Variants in HADHB observed in about 807,000 individuals in gnomAD.
HADHB encodes the protein hydroxyacyl-CoA dehydrogenase trifunctional multienzyme complex subunit beta, also known as trifunctional enzyme subunit beta, mitochondrial.
In HADHB, 50 loss-of-function variants were observed where a neutral mutation model predicts 61.9. The observed-to-expected ratio is 0.81, with a 90% confidence interval of 0.64 to 1.02. HADHB has a LOEUF of 1.02. HADHB is among the 50% of genes least tolerant of loss of function. HADHB has a pLI of 0.00. For synonymous variants in HADHB, 191 were observed against 201.6 expected, an observed-to-expected ratio of 0.95 and a Z score of 0.45; for missense variants, 504 against 586.5, an observed-to-expected ratio of 0.86 and a Z score of 1.45.
intron 4 of HADHB, among the ~76,000 whole-genome samples, chr2:26,265,651 T>C (rs1672046493): frequency 6.6e-6 from 1 of 152,214 alleles, no homozygotes; most frequent in Non-Finnish European, 1.5e-5. Context: ...AACTGTTTCA[T>C]TTACTTTTAT....
At chr2:26,268,204 G>A (rs1672179242) in intron 4 of HADHB, among the ~76,000 whole-genome samples, 1 of 141,780 alleles carries the variant, frequency 7.1e-6, no homozygotes, top group South Asian at 2.2e-4. Flanking sequence ...AATACTTGCT[G>A]CGAGATCTAC....
In HADHB at chr2:26,285,000, G is replaced by A. The variant is rs758477811; in HGVS notation, c.1224+43G>A. 1.1e-5 allele frequency: 10 copies of A among 944,816 alleles called. No individual in the cohort carries two copies. In the East Asian group the frequency reaches 2.4e-4, roughly 23 times the overall value. The allele number at this position is 944,816 out of a possible 1,614,324, so 58.5% of individuals were successfully genotyped here. A position where few individuals can be genotyped will look rare whatever the true frequency, so the allele number is the denominator to read the frequency against. On this transcript the variant is annotated intron_variant, in intron 14 of 15. Coordinates refer to ENST00000317799, the MANE Select transcript of HADHB (RefSeq NM_000183.3). ...AAAAATGCGTGAATTTTCAAAGCAC[G>A]TTAATAATTGGATCTTAGTTACCTG... is the stretch of plus-strand genomic sequence containing the variant.
chr2:26,256,517 TTCTC>T (rs1266407651), intron 3 of HADHB, among the ~76,000 whole-genome samples: 7 of 81,458 alleles, frequency 8.6e-5, no homozygotes, highest in Non-Finnish European at 1.2e-4. Context: ...ATAGATGTCT[TTCTC>T]TCTGTGTATA....
chr2:26,289,403 T>TA (rs1255699279), intron 15 of HADHB, among the ~76,000 whole-genome samples: 1 of 151,702 alleles, frequency 6.6e-6, no homozygotes, highest in Non-Finnish European at 1.5e-5. Context: ...CTGGCCCTGT[T>TA]ACCTTAATAG....
At chr2:26,261,212 A>ACCCC (rs70950178) in intron 3 of HADHB, 55 of 371,060 alleles carry the variant, frequency 1.5e-4, no homozygotes, top group South Asian at 4.4e-4. Context: ...CACAACAAAT[A>ACCCC]CCCCCCCCCC....
At chr2:26,273,619 A>T in intron 5 of HADHB, 32 bp from the exon 6 acceptor site, 2 of 1,218,160 alleles carry the variant, frequency 1.6e-6, no homozygotes, top group Non-Finnish European at 1.2e-6. Flanking sequence ...TGATGTGTGA[A>T]ATGTTTCTTT....
chr2:26,285,420 CT>C lies in HADHB; in HGVS notation c.1241del (p.Leu414TrpfsTer41). On this transcript the variant is annotated frameshift_variant, in exon 15 of 16. Transcript: ENST00000317799. LOFTEE classifies it high-confidence loss of function. Reference protein sequence around the residue: ...MGRKTKVGLPPLEKFNNWGGS... With the variant: ...MGRKTKVGLPXLEKFNNWGGS... ...TGGGGGAGCCAGGTTGGATTGCCTC[CT>C]TTGGAGAAGTTTAATAACTGGGGTG... 6.2e-7 allele frequency: 1 copy of C among 1,613,768 alleles called. No homozygotes were observed. Among genetic ancestry groups the C allele is most frequent in the Non-Finnish European group, 8.5e-7 (1 of 1,179,720 alleles).
chr2:26,267,302 A>G (rs1161869193), intron 4 of HADHB, among the ~76,000 whole-genome samples: 1 of 152,164 alleles, frequency 6.6e-6, no homozygotes, highest in African/African-American at 2.4e-5. Flanking sequence ...AGGATGAGCA[A>G]GGAGAACTTG....
intron 1 of HADHB, among the ~76,000 whole-genome samples, chr2:26,250,652 G>GTTTT (rs528872282): frequency 7.3e-6 from 1 of 136,176 alleles, no homozygotes. Flanking sequence ...TGTCTCTAAA[G>GTTTT]TTTTTTTTTT....
chr2:26,282,043 C>T (rs1672812115), intron 10 of HADHB, among the ~76,000 whole-genome samples: 1 of 151,720 alleles, frequency 6.6e-6, no homozygotes, highest in Non-Finnish European at 1.5e-5. Context: ...TTCTAATGTC[C>T]TCAGCTGGTT....
intron 5 of HADHB, among the ~76,000 whole-genome samples, chr2:26,271,009 C>T (rs1672319090): frequency 6.6e-6 from 1 of 150,924 alleles, no homozygotes; most frequent in South Asian, 2.1e-4. Flanking sequence ...CTCCCGAGTA[C>T]CTGGGACTAC....
intron 8 of HADHB, 111 bp from the exon 9 acceptor site, chr2:26,279,024 T>TTCCCC: frequency 1.0e-6 from 1 of 996,940 alleles, no homozygotes; most frequent in Admixed American, 1.7e-5. Flanking sequence ...ACTTGATTGA[T>TTCCCC]TAATGGTAGA....
At chr2:26,246,361 T>TTTTTA (rs1671158328) in intron 1 of HADHB, among the ~76,000 whole-genome samples, 1 of 151,316 alleles carries the variant, frequency 6.6e-6, no homozygotes, top group African/African-American at 2.4e-5. Flanking sequence ...TTTTTTTTTT[T>TTTTTA]GAGACAGTTT....
intron 15 of HADHB, among the ~76,000 whole-genome samples, chr2:26,288,222 G>T (rs959406543): frequency 1.3e-5 from 2 of 151,974 alleles, no homozygotes; most frequent in African/African-American, 2.4e-5. Context: ...CTGTATTCAC[G>T]CCACTGCACT....
chr2:26,257,302 A>C (rs1671657019), intron 3 of HADHB, among the ~76,000 whole-genome samples: 1 of 151,542 alleles, frequency 6.6e-6, no homozygotes, highest in Admixed American at 6.6e-5. Context: ...TTGTACTTTT[A>C]GTAGAGATGG....
chr2:26,256,815 A>G (rs1240067437), intron 3 of HADHB, among the ~76,000 whole-genome samples: 1 of 152,210 alleles, frequency 6.6e-6, no homozygotes, highest in Non-Finnish European at 1.5e-5. Context: ...GCACTGTAGA[A>G]TATATAAAAT....
intron 7 of HADHB, among the ~76,000 whole-genome samples, chr2:26,277,392 C>T (rs1672574784): frequency 1.3e-5 from 2 of 152,090 alleles, no homozygotes; most frequent in South Asian, 2.1e-4. Context: ...TGCTCCACCA[C>T]ACCCAGCTAA....
chr2:26,258,666 A>C lies in HADHB; in HGVS notation c.109+4192A>C, dbSNP rs1485674367. Among the ~76,000 whole-genome samples the C allele has an allele frequency of 2.6e-5, 4 of 152,216 alleles. No individual in the cohort carries two copies. The East Asian group carries it at 7.7e-4, about 29-fold the overall frequency. On this transcript the variant is annotated intron_variant, in intron 3 of 15. Coordinates refer to ENST00000317799, the MANE Select transcript of HADHB (RefSeq NM_000183.3). ...GCTCGAGCCAGAACAAACATGGACCAGAAGAGTGTGCAGTTGCAAGATTTA... is the reference window on the plus strand; with the variant it reads ...GCTCGAGCCAGAACAAACATGGACCCGAAGAGTGTGCAGTTGCAAGATTTA...
At chr2:26,250,076 G>C (rs1403387428) in intron 1 of HADHB, among the ~76,000 whole-genome samples, 2 of 152,092 alleles carry the variant, frequency 1.3e-5, no homozygotes, top group East Asian at 3.9e-4. Flanking sequence ...GTATGATCTT[G>C]GCTCACTGCA....
Sources: allele counts gnomAD v4.1 joint callset (sites outside exome capture counted in the v4.1 genomes callset), GRCh38; gene constraint gnomAD v4.1.1; transcripts MANE v1.5; gene names NCBI Gene and HGNC (gene_info 2026-07-23, HGNC 2026-07-21).